SLC4A4: variants seen among roughly 807,000 people sequenced by gnomAD.
SLC4A4 encodes the protein solute carrier family 4 member 4.
In SLC4A4, 27 loss-of-function variants were observed where a neutral mutation model predicts 111.5. The ratio of observed to expected loss-of-function variants is 0.24; its 90% confidence interval spans 0.18 to 0.33. SLC4A4 has a LOEUF of 0.33. Among genes scored for constraint, SLC4A4 ranks in the 10% least tolerant of loss-of-function variants. SLC4A4 has a pLI of 1.00. For missense variants in SLC4A4, 909 were observed against 1,315.5 expected (o/e 0.69, Z 4.78); for synonymous variants, 443 against 463.4 (o/e 0.96, Z 0.57).
At chr4:71,111,946 C>T (rs1463781966) in intron 2 of SLC4A4, among the ~76,000 whole-genome samples, 2 of 152,174 alleles carry the variant, frequency 1.3e-5, no homozygotes, top group Non-Finnish European at 2.9e-5. Flanking sequence ...ATCCACCCGC[C>T]TCGGCCTTCC....
At chr4:71,331,382 C>T (rs1727975548) in intron 3 of SLC4A4, among the ~76,000 whole-genome samples, 1 of 152,048 alleles carries the variant, frequency 6.6e-6, no homozygotes, top group Admixed American at 6.5e-5. Flanking sequence ...ACATATACAC[C>T]ATGGAATACT....
At chr4:71,275,549 A>G (rs1723008040) in intron 3 of SLC4A4, among the ~76,000 whole-genome samples, 2 of 152,202 alleles carry the variant, frequency 1.3e-5, no homozygotes, top group African/African-American at 4.8e-5. Flanking sequence ...CAAGGTAGTA[A>G]GGTTTTCCTC....
At chr4:71,167,525 CTT>C (rs1462754585) in intron 2 of SLC4A4, among the ~76,000 whole-genome samples, 1 of 152,078 alleles carries the variant, frequency 6.6e-6, no homozygotes, top group Non-Finnish European at 1.5e-5. Flanking sequence ...GGGAGACCCT[CTT>C]TGGGAAATAT....
intron 3 of SLC4A4, among the ~76,000 whole-genome samples, chr4:71,307,308 C>T (rs771951190): frequency 5.9e-5 from 9 of 152,160 alleles, no homozygotes; most frequent in Non-Finnish European, 1.2e-4. Flanking sequence ...TCTGATTTCC[C>T]CCTTCACCCC....
intron 15 of SLC4A4, among the ~76,000 whole-genome samples, chr4:71,489,986 G>GAACTCTAGGATAACTATGTCTC (rs1410638277): frequency 6.6e-6 from 1 of 151,724 alleles, no homozygotes; most frequent in Non-Finnish European, 1.5e-5. Context: ...ACAGAGATTA[G>GAACTCTAGGATAACTATGTCTC]AACTCTAGGA....
At chr4:71,196,353 G>T (rs1386043474) in intron 1 of SLC4A4, among the ~76,000 whole-genome samples, 3 of 152,168 alleles carry the variant, frequency 2.0e-5, no homozygotes, top group African/African-American at 4.8e-5. Context: ...CCAGGGAAAA[G>T]GGAGAAGGCG....
chr4:71,085,532 GT>G (rs1444546985), intron 1 of SLC4A4, among the ~76,000 whole-genome samples: 1 of 152,026 alleles, frequency 6.6e-6, no homozygotes, highest in African/African-American at 2.4e-5. Flanking sequence ...GGTTTTTATG[GT>G]TTTAGGTCTG....
intron 6 of SLC4A4, among the ~76,000 whole-genome samples, chr4:71,373,642 A>ATGAAAG (rs1417934672): frequency 6.6e-6 from 1 of 152,200 alleles, no homozygotes; most frequent in Non-Finnish European, 1.5e-5. Context: ...TGGAAGGTCT[A>ATGAAAG]TGAAAGTTTT....
At chr4:71,492,521 C>T (rs1042002079) in intron 15 of SLC4A4, among the ~76,000 whole-genome samples, 8 of 151,950 alleles carry the variant, frequency 5.3e-5, no homozygotes, top group Non-Finnish European at 1.0e-4. Context: ...TCCCCCAGTA[C>T]CCATTTACCT....
At chr4:71,493,372 T>TA (rs1319326327) in intron 15 of SLC4A4, among the ~76,000 whole-genome samples, 1 of 152,000 alleles carries the variant, frequency 6.6e-6, no homozygotes, top group Admixed American at 6.6e-5. Flanking sequence ...GTCCTCCAGA[T>TA]AAAAAGAGTA....
At chr4:71,474,607 A>C (rs1728187141) in intron 14 of SLC4A4, among the ~76,000 whole-genome samples, 1 of 151,906 alleles carries the variant, frequency 6.6e-6, no homozygotes, top group African/African-American at 2.4e-5. Context: ...ATAGGCAGTC[A>C]GTAACACTGA....
chr4:71,315,774 A>G (rs1275596097), intron 3 of SLC4A4, among the ~76,000 whole-genome samples: 1 of 152,196 alleles, frequency 6.6e-6, no homozygotes, highest in Non-Finnish European at 1.5e-5. Context: ...CTGTCTGATT[A>G]AAGTGTTGAA....
At chr4:71,150,942 A>T (rs966787372) in intron 2 of SLC4A4, among the ~76,000 whole-genome samples, 1 of 152,204 alleles carries the variant, frequency 6.6e-6, no homozygotes, top group African/African-American at 2.4e-5. Flanking sequence ...GCTATTTGAA[A>T]GACCATGCCT....
At chr4:71,230,751 C>T (rs1719367759) in intron 1 of SLC4A4, among the ~76,000 whole-genome samples, 1 of 152,182 alleles carries the variant, frequency 6.6e-6, no homozygotes, top group Non-Finnish European at 1.5e-5. Context: ...AAGTGCAGAG[C>T]AGGCTGTGGA....
At chr4:71,158,312 A>G (rs1177884721) in intron 2 of SLC4A4, among the ~76,000 whole-genome samples, 1 of 152,148 alleles carries the variant, frequency 6.6e-6, no homozygotes, top group East Asian at 1.9e-4. Context: ...AACAAATCCA[A>G]TTTTCTGCTT....
chr4:71,439,651 T>G (rs1284041660), intron 7 of SLC4A4, among the ~76,000 whole-genome samples: 1 of 151,724 alleles, frequency 6.6e-6, no homozygotes, highest in Non-Finnish European at 1.5e-5. Context: ...GTTCTCTGCC[T>G]ATATCTTCTC....
chr4:71,262,722 A>G (rs935708456), intron 3 of SLC4A4, among the ~76,000 whole-genome samples: 1 of 152,088 alleles, frequency 6.6e-6, no homozygotes, highest in Non-Finnish European at 1.5e-5. Context: ...TATTAGTTCT[A>G]TAGTCTCTCC....
intron 7 of SLC4A4, among the ~76,000 whole-genome samples, chr4:71,435,636 G>A (rs1215314269): frequency 6.6e-6 from 1 of 152,178 alleles, no homozygotes; most frequent in Non-Finnish European, 1.5e-5. Context: ...TACAGAATGA[G>A]AGAAAAGTTT....
rs34373561 is a variant in SLC4A4, at chr4:71,447,694, C to T, written c.1014C>T (p.His338=). The T allele has an allele frequency of 0.031, 50,531 of 1,612,258 alleles. 1,785 individuals are homozygous for T. Among genetic ancestry groups the T allele is most frequent in the Admixed American group, 0.19 (11,145 of 59,960 alleles). Residue 338 remains histidine, a synonymous_variant, in exon 9 of 26, where the codon CAC becomes CAT. Coordinates refer to ENST00000264485, the MANE Select transcript of SLC4A4 (RefSeq NM_001098484.3). ...CTAAGGGGAAAGCCAAGTCCTACCA[C>T]GAGATTGGCAGAGCCATTGCCACCC... ...LGPKGKAKSY[H]EIGRAIATLM... is the part of the protein sequence containing the mutation.
Sources: gnomAD v4.1 joint callset for allele counts (sites outside exome capture counted in the v4.1 genomes callset) on GRCh38, gnomAD v4.1.1 for gene constraint, MANE v1.5 for transcripts, NCBI Gene and HGNC (gene_info 2026-07-23, HGNC 2026-07-21) for gene names.